Variants in GRXCR1 observed in about 807,000 individuals in gnomAD.
GRXCR1 encodes the protein glutaredoxin and cysteine rich domain containing 1.
In GRXCR1, 27 loss-of-function variants were observed where a neutral mutation model predicts 27.3. The observed-to-expected ratio is 0.99, with a 90% CI of 0.73 to 1.37. The LOEUF is 1.37. GRXCR1 is among the 40% of genes most tolerant of loss of function. The pLI is 0.00. For synonymous variants in GRXCR1, 122 were observed against 131.1 expected, an observed-to-expected ratio of 0.93 and a Z score of 0.47; for missense variants, 379 against 354.4, an observed-to-expected ratio of 1.07 and a Z score of -0.56.
chr4:42,952,916 C>T (rs1240949282), intron 1 of GRXCR1, among the ~76,000 whole-genome samples: 1 of 152,048 alleles, frequency 6.6e-6, no homozygotes, highest in African/African-American at 2.4e-5. Flanking sequence ...GAATCAAATC[C>T]CTTACTCCTT....
chr4:42,967,910 G>A (rs1306112873), intron 2 of GRXCR1, among the ~76,000 whole-genome samples: 1 of 152,010 alleles, frequency 6.6e-6, no homozygotes, highest in Non-Finnish European at 1.5e-5. Context: ...GAATTATGAG[G>A]TTTTCCAGTC....
intron 1 of GRXCR1, among the ~76,000 whole-genome samples, chr4:42,932,266 GC>G (rs1747330154): frequency 6.6e-6 from 1 of 151,646 alleles, no homozygotes; most frequent in Non-Finnish European, 1.5e-5. Context: ...CTCCTGCCAG[GC>G]CTGTGCGGAT....
rs111627403 is a variant in GRXCR1, at chr4:43,021,537, A to T, written c.693+1118A>T. On this transcript the variant is annotated intron_variant, in intron 3 of 3. Transcript: ENST00000399770. ...AACAATGGATTCATTCATTCAACAA[A>T]CATTTATTAAGTATCTACTGTTTAC... is the stretch of plus-strand genomic sequence containing the variant. Among the ~76,000 whole-genome samples, 1,410 of 152,342 alleles carry T rather than the reference A, an allele frequency of 9.3e-3. 19 individuals carry two copies. The highest frequency in any genetic ancestry group is 0.031 in the African/African-American group (1,310 of 41,590).
At chr4:42,916,097 C>T (rs199731286) in intron 1 of GRXCR1, among the ~76,000 whole-genome samples, 1 of 63,738 alleles carries the variant, frequency 1.6e-5, no homozygotes, top group East Asian at 6.9e-4. Context: ...TACATCATTT[C>T]AGAAAAAAAA....
intron 1 of GRXCR1, among the ~76,000 whole-genome samples, chr4:42,923,038 C>T (rs1289526038): frequency 6.6e-6 from 1 of 152,108 alleles, no homozygotes; most frequent in Non-Finnish European, 1.5e-5. Context: ...GAACACTCAA[C>T]CCCCAACCTG....
chr4:42,981,872 T>C (rs1189158109), intron 2 of GRXCR1, among the ~76,000 whole-genome samples: 1 of 152,194 alleles, frequency 6.6e-6, no homozygotes, highest in Non-Finnish European at 1.5e-5. Context: ...TTATCTTTGA[T>C]TTTTGACAGT....
chr4:42,975,194 A>C (rs1748485223), intron 2 of GRXCR1, among the ~76,000 whole-genome samples: 1 of 152,118 alleles, frequency 6.6e-6, no homozygotes, highest in Admixed American at 6.6e-5. Flanking sequence ...AAAACCAAAA[A>C]CCAAAAAGTA....
chr4:43,025,849 G>A (rs1220908282), intron 3 of GRXCR1, among the ~76,000 whole-genome samples: 1 of 151,992 alleles, frequency 6.6e-6, no homozygotes, highest in Non-Finnish European at 1.5e-5. Flanking sequence ...GGTGGTGGGC[G>A]CCTGTAGTCC....
rs758481849 is a variant in GRXCR1, at chr4:42,998,068, G to A, written c.628-22286G>A. 1.1e-3 allele frequency among the ~76,000 whole-genome samples: 161 copies of A among 152,212 alleles called. 3 individuals carry two copies. The highest frequency in any genetic ancestry group is 3.7e-4 in the Non-Finnish European group (25 of 68,012). Reference sequence around the variant, plus strand: ...GGCACAATGGTCCTTCCAGTTTGATGAGGTAAATGCAATTATTACCCCCAT... The same window carrying A: ...GGCACAATGGTCCTTCCAGTTTGATAAGGTAAATGCAATTATTACCCCCAT... On this transcript the variant is annotated intron_variant, in intron 2 of 3. Coordinates refer to ENST00000399770, the MANE Select transcript of GRXCR1 (RefSeq NM_001080476.3).
chr4:42,944,705 G>A (rs1157615686), intron 1 of GRXCR1, among the ~76,000 whole-genome samples: 2 of 152,130 alleles, frequency 1.3e-5, no homozygotes, highest in Non-Finnish European at 2.9e-5. Context: ...CAGAAGTCAA[G>A]AGGAAGGAGC....
intron 2 of GRXCR1, among the ~76,000 whole-genome samples, chr4:43,017,369 A>G (rs1446552179): frequency 6.6e-6 from 1 of 152,174 alleles, no homozygotes. Flanking sequence ...TAGGTTTTGG[A>G]GTCAGCTCAA....
At position 42,983,417 on chromosome 4, in the gene GRXCR1, C is replaced by A. The variant is rs1325481742; in HGVS notation, c.627+20283C>A. Reference sequence around the variant, plus strand: ...TCTGTTCTGTTCCATTGATCTATATCTCTGTTTTGGTACCAGTAGCATGCT... The same window carrying A: ...TCTGTTCTGTTCCATTGATCTATATATCTGTTTTGGTACCAGTAGCATGCT... On this transcript the variant is annotated intron_variant, in intron 2 of 3. Transcript: ENST00000399770. 4.6e-5 allele frequency among the ~76,000 whole-genome samples: 7 copies of A among 151,220 alleles called. No individual in the cohort carries two copies. In the East Asian group the frequency reaches 9.7e-4, roughly 21 times the overall value.
intron 1 of GRXCR1, among the ~76,000 whole-genome samples, chr4:42,952,621 C>T (rs1304415688): frequency 2.6e-5 from 4 of 152,008 alleles, no homozygotes; most frequent in Admixed American, 2.6e-4. Flanking sequence ...CCTATAAGAT[C>T]AAGACAAGAT....
At chr4:42,965,453 C>A (rs1469287220) in intron 2 of GRXCR1, among the ~76,000 whole-genome samples, 1 of 152,046 alleles carries the variant, frequency 6.6e-6, no homozygotes, top group African/African-American at 2.4e-5. Flanking sequence ...ATTTAAATTG[C>A]AATGCACGAT....
At chr4:42,961,415 T>C (rs1214666526) in intron 1 of GRXCR1, among the ~76,000 whole-genome samples, 3 of 151,978 alleles carry the variant, frequency 2.0e-5, no homozygotes, top group Non-Finnish European at 2.9e-5. Context: ...TCACCATTTA[T>C]AAATCAGAAA....
chr4:42,902,207 A>G lies in GRXCR1; in HGVS notation c.384+8557A>G, dbSNP rs940957171. Among the ~76,000 whole-genome samples the G allele has an allele frequency of 2.0e-5, 3 of 152,300 alleles. No individual in the cohort carries two copies. The South Asian group carries it at 6.2e-4, about 32-fold the overall frequency. ...GTCAAAAGAAATGAATTAAGAGAAG[A>G]TTAAGCACCCCTAATGAAGCAACAA... On this transcript the variant is annotated intron_variant, in intron 1 of 3. Transcript: ENST00000399770.
At chr4:42,905,390 A>ACAAGG (rs1746562710) in intron 1 of GRXCR1, among the ~76,000 whole-genome samples, 1 of 152,118 alleles carries the variant, frequency 6.6e-6, no homozygotes, top group Non-Finnish European at 1.5e-5. Flanking sequence ...GATTTTTAAT[A>ACAAGG]CCTTTCCATG....
At chr4:42,973,424 A>G (rs1327399195) in intron 2 of GRXCR1, among the ~76,000 whole-genome samples, 1 of 151,630 alleles carries the variant, frequency 6.6e-6, no homozygotes, top group Non-Finnish European at 1.5e-5. Flanking sequence ...CTTCACTTTC[A>G]CAGCTCTAAT....
intron 1 of GRXCR1, among the ~76,000 whole-genome samples, chr4:42,926,025 G>A (rs186410891): frequency 2.8e-4 from 43 of 152,094 alleles, no homozygotes; most frequent in Admixed American, 1.2e-3. Context: ...GAGAAAAAAA[G>A]TTTGTTTCCA....
Sources: allele counts gnomAD v4.1 joint callset (sites outside exome capture counted in the v4.1 genomes callset), GRCh38; gene constraint gnomAD v4.1.1; transcripts MANE v1.5; gene names NCBI Gene and HGNC (gene_info 2026-07-23, HGNC 2026-07-21).